Variants in RBPJ observed in about 807,000 individuals in gnomAD.
RBPJ encodes the protein recombining binding protein suppressor of hairless.
In RBPJ, 9 loss-of-function variants were observed where a neutral mutation model predicts 67.8. That is an observed-to-expected ratio of 0.13 (90% CI 0.08 to 0.23). RBPJ has a LOEUF of 0.23. RBPJ is among the 10% of genes least tolerant of loss of function. The pLI is 1.00. For synonymous variants in RBPJ, 198 were observed against 203.3 expected (o/e 0.97, Z 0.22); for missense variants, 305 against 595.6 (o/e 0.51, Z 5.08).
intron 5 of RBPJ, 71 bp downstream of exon 5, chr4:26,420,796 A>G (rs1176249259): frequency 7.4e-7 from 1 of 1,344,716 alleles, no homozygotes; most frequent in Non-Finnish European, 1.0e-6. Flanking sequence ...TTTTAAATTA[A>G]AAATTGCCTT....
chr4:26,163,384 A>C (rs1560192894), upstream of RBPJ: 2 of 58,508 alleles, frequency 3.4e-5, no homozygotes, highest in Admixed American at 2.8e-4. Context: ...TCTACCCCAC[A>C]CACAAAAAAA....
At chr4:26,135,743 C>T in the RBPJ span, among the ~76,000 whole-genome samples, 3 of 152,150 alleles carry the variant, frequency 2.0e-5, no homozygotes, top group Non-Finnish European at 4.4e-5. Context: ...GACCATCACG[C>T]GCTGAACTTC....
At chr4:26,239,715 G>GGAGAA (rs1719570770) in intron 1 of RBPJ, among the ~76,000 whole-genome samples, 1 of 149,420 alleles carries the variant, frequency 6.7e-6, no homozygotes, top group Non-Finnish European at 1.5e-5. Context: ...AAGAAAAAAA[G>GGAGAA]GAGAAGAGAA....
chr4:26,277,820 G>A (rs987052914), intron 1 of RBPJ, among the ~76,000 whole-genome samples: 1 of 152,194 alleles, frequency 6.6e-6, no homozygotes, highest in African/African-American at 2.4e-5. Flanking sequence ...TTGCAAGCAT[G>A]ATTAGTGTTT....
At chr4:26,231,301 T>G (rs548419474) in intron 1 of RBPJ, among the ~76,000 whole-genome samples, 15 of 152,348 alleles carry the variant, frequency 9.8e-5, no homozygotes, top group Admixed American at 9.1e-4. Flanking sequence ...AAGGGAGCAG[T>G]TTTTTGACTG....
intron 1 of RBPJ, among the ~76,000 whole-genome samples, chr4:26,221,236 G>A (rs1179707752): frequency 3.3e-5 from 5 of 151,990 alleles, no homozygotes; most frequent in Non-Finnish European, 7.4e-5. Flanking sequence ...GACTACAGGC[G>A]CCCGCCACCA....
At chr4:26,159,306 T>C (rs778649530), upstream of RBPJ, among the ~76,000 whole-genome samples, 1 of 152,162 alleles carries the variant, frequency 6.6e-6, no homozygotes, top group Non-Finnish European at 1.5e-5. Context: ...GAGTCTTGAT[T>C]TGAGTCCAGA....
At chr4:26,120,714 C>CTTTT in the RBPJ span, among the ~76,000 whole-genome samples, 194 of 83,008 alleles carry the variant, frequency 2.3e-3, 8 homozygotes, top group African/African-American at 3.0e-3. Context: ...ATTTTCTCAA[C>CTTTT]TTTTTTTTTT....
In RBPJ at chr4:26,433,239, A is replaced by G. The variant is rs1736387863; in HGVS notation, c.*2232A>G. Reference sequence around the variant, plus strand: ...TGTAATTGTTCACTGTCTCTTTCTTACAGACCACTTATTTCTGAGTAGTAG... The same window carrying G: ...TGTAATTGTTCACTGTCTCTTTCTTGCAGACCACTTATTTCTGAGTAGTAG... On this transcript the variant is annotated 3_prime_UTR_variant, in exon 11 of 11. Transcript: ENST00000355476. 1 of 152,184 alleles carries G rather than the reference A, an allele frequency of 6.6e-6. No individual in the cohort carries two copies. The highest frequency in any genetic ancestry group is 2.4e-5 in the African/African-American group (1 of 41,440). The allele number at this position is 152,184 out of a possible 1,614,324, so 9.4% of individuals were successfully genotyped here.
chr4:26,333,193 T>C (rs1724435751), intron 1 of RBPJ, among the ~76,000 whole-genome samples: 1 of 152,182 alleles, frequency 6.6e-6, no homozygotes, highest in Non-Finnish European at 1.5e-5. Context: ...TTTTGATGTA[T>C]GGGAGGATCC....
At position 26,396,429 on chromosome 4, in the gene RBPJ, A is replaced by G. The variant is rs146030379; in HGVS notation, c.60-9746A>G. On this transcript the variant is annotated intron_variant, in intron 2 of 10. Transcript: ENST00000355476. ...GATTCGAAGAGTTAAGTTTGCATCA[A>G]CCAGGATTAGAAATAGAAGAACCAA... 1.8e-3 allele frequency among the ~76,000 whole-genome samples: 279 copies of G among 152,348 alleles called. 2 individuals are homozygous for G. The highest frequency in any genetic ancestry group is 6.4e-3 in the African/African-American group (265 of 41,586).
At chr4:26,417,219 G>A (rs1438011834) in intron 4 of RBPJ, among the ~76,000 whole-genome samples, 3 of 152,142 alleles carry the variant, frequency 2.0e-5, no homozygotes, top group Admixed American at 2.0e-4. Context: ...CTACTTCATT[G>A]CTCATTTTAA....
rs756331122 is a variant in RBPJ at position 26,431,264 on chromosome 4, T to G, written c.*257T>G. 5.9e-5 allele frequency: 21 copies of G among 358,104 alleles called. No homozygotes were observed. The highest frequency in any genetic ancestry group is 9.0e-5 in the Non-Finnish European group (18 of 199,478). 22.2% of individuals were successfully genotyped at this position (358,104 alleles called of 1,614,324 possible). A position where few individuals can be genotyped will look rare whatever the true frequency, so the allele number is the denominator to read the frequency against. On this transcript the variant is annotated 3_prime_UTR_variant, in exon 11 of 11. Transcript: ENST00000355476. ...TGGAAATCAAGTTTTTCAGCTGTTT[T>G]GTTGGTTGGTTGGTTGGTTTTTGTT...
intron 1 of RBPJ, among the ~76,000 whole-genome samples, chr4:26,367,462 T>A (rs1423250882): frequency 6.6e-6 from 1 of 152,144 alleles, no homozygotes; most frequent in African/African-American, 2.4e-5. Flanking sequence ...AGAGCAAGAC[T>A]CTTGTCTCAA....
the RBPJ span, among the ~76,000 whole-genome samples, chr4:26,148,652 C>A: frequency 2.0e-5 from 3 of 152,198 alleles, no homozygotes. Context: ...ACAGAGGGAC[C>A]TGCCAGAAAT....
chr4:26,118,603 G>A, the RBPJ span, among the ~76,000 whole-genome samples: 51 of 152,316 alleles, frequency 3.3e-4, no homozygotes, highest in East Asian at 1.3e-3. Flanking sequence ...GGTCATTCAC[G>A]TCAGTCTGAA....
At chr4:26,344,423 G>A (rs563747750) in intron 1 of RBPJ, among the ~76,000 whole-genome samples, 1 of 151,564 alleles carries the variant, frequency 6.6e-6, no homozygotes, top group African/African-American at 2.4e-5. Flanking sequence ...TTTTAGTAGA[G>A]ACGGGGTTTC....
chr4:26,270,706 G>C (rs546148157), intron 1 of RBPJ, among the ~76,000 whole-genome samples: 1 of 151,544 alleles, frequency 6.6e-6, no homozygotes, highest in Non-Finnish European at 1.5e-5. Context: ...TAGCATGGAG[G>C]GTTTTTTGGA....
the RBPJ span, among the ~76,000 whole-genome samples, chr4:26,111,548 A>G: frequency 2.6e-5 from 4 of 152,116 alleles, no homozygotes; most frequent in Middle Eastern, 3.4e-3. Flanking sequence ...GGCTTTGGGG[A>G]AAAAAACTCT....
Sources: gnomAD v4.1 joint callset for allele counts (sites outside exome capture counted in the v4.1 genomes callset) on GRCh38, gnomAD v4.1.1 for gene constraint, MANE v1.5 for transcripts, NCBI Gene and HGNC (gene_info 2026-07-23, HGNC 2026-07-21) for gene names.